CUEDC1: variants seen among roughly 807,000 people sequenced by gnomAD.
The protein encoded by CUEDC1 is CUE domain containing 1.
Under a neutral mutation model 43.7 loss-of-function variants are expected in CUEDC1, and 30 were observed. The ratio of observed to expected loss-of-function variants is 0.69; its 90% confidence interval spans 0.51 to 0.93. CUEDC1 has a LOEUF of 0.93. CUEDC1 is among the 40% of genes least tolerant of loss of function. The pLI, the probability that CUEDC1 is intolerant of heterozygous loss-of-function variation, is 0.00. For synonymous variants in CUEDC1, 223 were observed against 223.6 expected (o/e 1.00, Z 0.02); for missense variants, 486 against 549.0 (o/e 0.89, Z 1.15).
At chr17:57,883,379 G>T (rs925413586) in intron 2 of CUEDC1, among the ~76,000 whole-genome samples, 5 of 152,198 alleles carry the variant, frequency 3.3e-5, no homozygotes, top group African/African-American at 1.2e-4. Context: ...GATGGCTGAT[G>T]AACAAGGGTA....
intron 1 of CUEDC1, among the ~76,000 whole-genome samples, chr17:57,907,459 T>C (rs2074540802): frequency 6.6e-6 from 1 of 151,548 alleles, no homozygotes; most frequent in Admixed American, 6.6e-5. Context: ...AGGTTCAGGG[T>C]AGTGGGAAAG....
intron 1 of CUEDC1, among the ~76,000 whole-genome samples, chr17:57,941,194 C>T (rs1457569293): frequency 1.3e-5 from 2 of 152,230 alleles, no homozygotes; most frequent in African/African-American, 4.8e-5. Flanking sequence ...TCCTCTGCAG[C>T]CGAAATGTCT....
intron 1 of CUEDC1, among the ~76,000 whole-genome samples, chr17:57,929,585 T>C (rs376597503): frequency 4.6e-5 from 7 of 152,208 alleles, no homozygotes; most frequent in East Asian, 3.8e-4. Flanking sequence ...TAGACCAGTC[T>C]GGATGTTCTC....
chr17:57,897,087 A>G (rs539419251), intron 1 of CUEDC1, among the ~76,000 whole-genome samples: 4 of 152,158 alleles, frequency 2.6e-5, no homozygotes, highest in Non-Finnish European at 4.4e-5. Context: ...TTTGCATATT[A>G]TATCATCTAC....
At chr17:57,880,776 T>C (rs1344466627) in intron 2 of CUEDC1, among the ~76,000 whole-genome samples, 1 of 152,180 alleles carries the variant, frequency 6.6e-6, no homozygotes, top group Non-Finnish European at 1.5e-5. Context: ...CTGGCTAATC[T>C]TTGTATTTTT....
chr17:57,908,088 GCT>G (rs2074547185), intron 1 of CUEDC1, among the ~76,000 whole-genome samples: 1 of 151,754 alleles, frequency 6.6e-6, no homozygotes, highest in Non-Finnish European at 1.5e-5. Flanking sequence ...ACGAAATCTC[GCT>G]CTGTTTCCCA....
intron 2 of CUEDC1, among the ~76,000 whole-genome samples, chr17:57,881,956 T>C (rs1350554956): frequency 1.3e-5 from 2 of 152,162 alleles, no homozygotes; most frequent in Non-Finnish European, 1.5e-5. Context: ...ACTGCTGGCC[T>C]CCCTGGCCTC....
intron 1 of CUEDC1, among the ~76,000 whole-genome samples, chr17:57,953,076 G>C (rs890060229): frequency 5.9e-5 from 9 of 152,102 alleles, no homozygotes; most frequent in Admixed American, 6.6e-5. Context: ...CATAGCCTTG[G>C]ACAATTCTGC....
chr17:57,924,011 A>G (rs2074721652), intron 1 of CUEDC1, among the ~76,000 whole-genome samples: 2 of 151,876 alleles, frequency 1.3e-5, no homozygotes, highest in African/African-American at 4.8e-5. Flanking sequence ...GTCTTGTTAT[A>G]TTGCCCAGGC....
At chr17:57,919,190 C>T (rs1270750308) in intron 1 of CUEDC1, among the ~76,000 whole-genome samples, 1 of 151,378 alleles carries the variant, frequency 6.6e-6, no homozygotes, top group African/African-American at 2.4e-5. Context: ...ATTAATTTTT[C>T]TTTTGTGAGA....
chr17:57,935,378 G>GACACACACACACACACACACAC (rs146002407), intron 1 of CUEDC1, among the ~76,000 whole-genome samples: 1 of 142,088 alleles, frequency 7.0e-6, no homozygotes, highest in Non-Finnish European at 1.5e-5. Flanking sequence ...CCTTCCATTA[G>GACACACACACACACACACACAC]ACACACACAC....
chr17:57,892,342 A>T (rs1174119591), intron 1 of CUEDC1, among the ~76,000 whole-genome samples: 1 of 152,124 alleles, frequency 6.6e-6, no homozygotes, highest in Non-Finnish European at 1.5e-5. Context: ...ACCCCCTCCT[A>T]GATCTGACTT....
intron 3 of CUEDC1, among the ~76,000 whole-genome samples, chr17:57,875,629 G>C (rs1157687437): frequency 6.6e-6 from 1 of 152,146 alleles, no homozygotes; most frequent in Non-Finnish European, 1.5e-5. Flanking sequence ...ACAGCAGGCG[G>C]CCTGTGTGGA....
rs191176219 is a variant in CUEDC1, at chr17:57,867,724, A to G, written c.1035-309T>C. Reference sequence around the variant, plus strand: ...GAGAAGCATGAATAGGAGTTCTGATAAAAAGGTGGAAAGCCGTATTTCTAC... The same window carrying G: ...GAGAAGCATGAATAGGAGTTCTGATGAAAAGGTGGAAAGCCGTATTTCTAC... On this transcript the variant is annotated intron_variant, in intron 8 of 10. Transcript: ENST00000577830. The G allele has an allele frequency of 6.1e-4, 305 of 501,852 alleles. 2 individuals carry two copies. Among genetic ancestry groups the G allele is most frequent in the South Asian group, 5.8e-3 (213 of 36,436 alleles). 31.1% of individuals were successfully genotyped at this position (501,852 alleles called of 1,614,324 possible).
Position 57,873,722 on chromosome 17 carries a change from G to A in CUEDC1, c.465-5C>T. 6.4e-7 allele frequency: 1 copy of A among 1,566,366 alleles called. No homozygotes were observed. Among genetic ancestry groups the A allele is most frequent in the Non-Finnish European group, 8.7e-7 (1 of 1,153,852 alleles). On this transcript the variant is annotated splice_region_variant and splice_polypyrimidine_tract_variant and intron_variant, in intron 3 of 10. Coordinates refer to ENST00000577830, the MANE Select transcript of CUEDC1 (RefSeq NM_001271875.2). ...CCAGAGCCCAGCGCGTCGATACTAG[G>A]GGATGGCAGGTGACAGGGAAGAGGA... is the stretch of plus-strand genomic sequence containing the variant.
chr17:57,877,251 C>T (rs2074138585), intron 3 of CUEDC1, among the ~76,000 whole-genome samples: 1 of 152,198 alleles, frequency 6.6e-6, no homozygotes, highest in Non-Finnish European at 1.5e-5. Flanking sequence ...GCTCCCATCA[C>T]CACCCTGGCC....
At chr17:57,902,754 A>C (rs537959101) in intron 1 of CUEDC1, among the ~76,000 whole-genome samples, 3 of 152,372 alleles carry the variant, frequency 2.0e-5, no homozygotes, top group South Asian at 2.1e-4. Context: ...AACGCTTTGC[A>C]TTCAGCCAGG....
At chr17:57,885,086 T>C in intron 2 of CUEDC1, 143 bp downstream of exon 2, 1 of 1,404,428 alleles carries the variant, frequency 7.1e-7, no homozygotes, top group Non-Finnish European at 9.3e-7. Flanking sequence ...TAAGGCTGCT[T>C]GCTAATTAGA....
At chr17:57,894,361 G>A (rs113044925) in intron 1 of CUEDC1, among the ~76,000 whole-genome samples, 21,913 of 152,144 alleles carry the variant, frequency 0.14, 1,739 homozygotes, top group Non-Finnish European at 0.17. Flanking sequence ...TTTAAAAATT[G>A]TTTTTAATCT....
Sources: gnomAD v4.1 joint callset for allele counts (sites outside exome capture counted in the v4.1 genomes callset) on GRCh38, gnomAD v4.1.1 for gene constraint, MANE v1.5 for transcripts, NCBI Gene and HGNC (gene_info 2026-07-23, HGNC 2026-07-21) for gene names.